The following TIAM1 variants were observed in gnomAD, a reference collection of about 807,000 sequenced individuals.
TIAM1 encodes TIAM Rac1 associated GEF 1, also known as rho guanine nucleotide exchange factor TIAM1.
Under a neutral mutation model 163.5 loss-of-function variants are expected in TIAM1, and 65 were observed. That is an observed-to-expected ratio of 0.40 (90% confidence interval 0.33 to 0.49). The LOEUF (loss-of-function observed/expected upper bound fraction) is 0.49. TIAM1 is among the 20% of genes least tolerant of loss of function. The probability of loss-of-function intolerance (pLI) is 0.77; values close to 1 mark genes in which losing one functional copy is unlikely to be tolerated. For missense variants in TIAM1, 1,789 were observed against 2,044.7 expected (o/e 0.87, Z 2.41); for synonymous variants, 833 against 810.1 (o/e 1.03, Z -0.48).
intron 2 of TIAM1, among the ~76,000 whole-genome samples, chr21:31,378,954 A>G (rs1490983842): frequency 1.3e-5 from 2 of 152,078 alleles, no homozygotes; most frequent in African/African-American, 2.4e-5. Flanking sequence ...TGCAAATACT[A>G]AACTATTTTA....
At chr21:31,161,495 C>G (rs1568944833) in intron 16 of TIAM1, among the ~76,000 whole-genome samples, 1 of 152,152 alleles carries the variant, frequency 6.6e-6, no homozygotes, top group Non-Finnish European at 1.5e-5. Flanking sequence ...CCACCACGCT[C>G]AACAACAAGC....
chr21:31,306,880 G>A (rs965796773), intron 2 of TIAM1, among the ~76,000 whole-genome samples: 1 of 152,222 alleles, frequency 6.6e-6, no homozygotes, highest in African/African-American at 2.4e-5. Context: ...GTCAGCTCAT[G>A]CTGTGACTCT....
chr21:31,460,996 A>T (rs1471639812), intron 2 of TIAM1, among the ~76,000 whole-genome samples: 1 of 152,222 alleles, frequency 6.6e-6, no homozygotes, highest in East Asian at 1.9e-4. Context: ...CTTAGATAAA[A>T]CAAGATGAAT....
intron 1 of TIAM1, among the ~76,000 whole-genome samples, chr21:31,557,857 G>A (rs543709829): frequency 6.6e-6 from 1 of 152,154 alleles, no homozygotes; most frequent in Non-Finnish European, 1.5e-5. Context: ...GAGTGTGGCC[G>A]AGTCGGCGCC....
At chr21:31,466,707 C>T (rs2045545365) in intron 1 of TIAM1, among the ~76,000 whole-genome samples, 1 of 152,136 alleles carries the variant, frequency 6.6e-6, no homozygotes, top group African/African-American at 2.4e-5. Context: ...GTAGCTGGTG[C>T]CCAGTAATAC....
intron 14 of TIAM1, among the ~76,000 whole-genome samples, chr21:31,185,531 ATAT>A (rs2085253358): frequency 7.0e-6 from 1 of 143,216 alleles, no homozygotes; most frequent in South Asian, 2.1e-4. Flanking sequence ...CTAATATAAT[ATAT>A]TATGCCATTA....
At chr21:31,223,341 C>G in intron 8 of TIAM1, 65 bp downstream of exon 8, 1 of 1,500,046 alleles carries the variant, frequency 6.7e-7, no homozygotes, top group Non-Finnish European at 8.9e-7. Context: ...AGACTCTTGT[C>G]AAGTCCTGCT....
At chr21:31,394,706 TCG>T (rs1289393578) in intron 2 of TIAM1, among the ~76,000 whole-genome samples, 29 of 93,610 alleles carry the variant, frequency 3.1e-4, no homozygotes, top group South Asian at 7.9e-4. Flanking sequence ...TCTCTCTCTC[TCG>T]CTCTCTCTCT....
At chr21:31,196,407 G>A (rs934594467) in intron 12 of TIAM1, among the ~76,000 whole-genome samples, 2 of 151,364 alleles carry the variant, frequency 1.3e-5, no homozygotes, top group Non-Finnish European at 2.9e-5. Context: ...CATCTCCCAG[G>A]TTCAAGCAAT....
At chr21:31,384,265 GA>G (rs570429769) in intron 2 of TIAM1, among the ~76,000 whole-genome samples, 18 of 147,364 alleles carry the variant, frequency 1.2e-4, no homozygotes, top group African/African-American at 3.5e-4. Flanking sequence ...ATCATCAAAT[GA>G]AAAAAAAAAT....
At chr21:31,279,271 G>T (rs958275280) in intron 2 of TIAM1, among the ~76,000 whole-genome samples, 2 of 152,140 alleles carry the variant, frequency 1.3e-5, no homozygotes, top group Non-Finnish European at 2.9e-5. Context: ...CCCTGGTTGC[G>T]GAACTGATCC....
chr21:31,282,834 A>T (rs941117967), intron 2 of TIAM1, among the ~76,000 whole-genome samples: 2 of 152,256 alleles, frequency 1.3e-5, no homozygotes, highest in Non-Finnish European at 2.9e-5. Context: ...AATTATTAAA[A>T]AGTCCCCAGA....
At chr21:31,540,734 T>G (rs1037848964) in intron 1 of TIAM1, among the ~76,000 whole-genome samples, 2 of 152,218 alleles carry the variant, frequency 1.3e-5, no homozygotes, top group Non-Finnish European at 2.9e-5. Flanking sequence ...TTGTTTGTTT[T>G]TTTTGCTCTG....
chr21:31,353,063 A>C (rs2076260430), intron 2 of TIAM1, among the ~76,000 whole-genome samples: 1 of 152,158 alleles, frequency 6.6e-6, no homozygotes, highest in Non-Finnish European at 1.5e-5. Flanking sequence ...ATCTTTCACA[A>C]TTATGAAGAT....
intron 2 of TIAM1, among the ~76,000 whole-genome samples, chr21:31,353,197 G>A (rs1602075470): frequency 6.6e-6 from 1 of 152,140 alleles, no homozygotes; most frequent in Non-Finnish European, 1.5e-5. Context: ...TCAGATATGA[G>A]TCCAAAACCC....
upstream of TIAM1, among the ~76,000 whole-genome samples, chr21:31,346,904 T>C (rs71321379): frequency 2.0e-5 from 3 of 151,824 alleles, no homozygotes; most frequent in Admixed American, 6.6e-5. Context: ...GGGCATATAC[T>C]TTTTTTTCAC....
chr21:31,527,488 A>T (rs977752693), intron 1 of TIAM1, among the ~76,000 whole-genome samples: 8 of 152,200 alleles, frequency 5.3e-5, no homozygotes, highest in Non-Finnish European at 1.2e-4. Context: ...TATCTAAAAG[A>T]TCAAGACAAA....
chr21:31,282,945 A>T (rs1445259719), intron 2 of TIAM1, among the ~76,000 whole-genome samples: 3 of 152,256 alleles, frequency 2.0e-5, no homozygotes, highest in African/African-American at 7.2e-5. Context: ...GATTCATACA[A>T]TCAATATGTT....
intron 3 of TIAM1, among the ~76,000 whole-genome samples, chr21:31,268,793 T>G (rs1243070384): frequency 1.3e-5 from 2 of 152,232 alleles, no homozygotes; most frequent in Non-Finnish European, 2.9e-5. Flanking sequence ...CATGCTACAT[T>G]TCTTACAAGT....
Sources: allele counts gnomAD v4.1 joint callset (sites outside exome capture counted in the v4.1 genomes callset), GRCh38; gene constraint gnomAD v4.1.1; transcripts MANE v1.5; gene names NCBI Gene and HGNC (gene_info 2026-07-23, HGNC 2026-07-21).